The following CDHR2 variants were observed in gnomAD, a reference collection of about 807,000 sequenced individuals.
CDHR2 encodes the protein cadherin-related family member 2.
In CDHR2, 104 loss-of-function variants were observed where a neutral mutation model predicts 138.6. The observed-to-expected ratio is 0.75, with a 90% CI of 0.64 to 0.88. The LOEUF is 0.88. CDHR2 is among the 40% of genes least tolerant of loss of function. The pLI, the probability that CDHR2 is intolerant of heterozygous loss-of-function variation, is 0.00. For synonymous variants in CDHR2, 755 were observed against 742.8 expected (o/e 1.02, Z -0.27); for missense variants, 1,624 against 1,727.6 (o/e 0.94, Z 1.06).
intron 1 of CDHR2, among the ~76,000 whole-genome samples, chr5:176,559,589 C>A (rs1375960175): frequency 1.3e-5 from 2 of 152,166 alleles, no homozygotes; most frequent in Non-Finnish European, 2.9e-5. Context: ...GTTTCTCTTT[C>A]TGGGACTTCT....
intron 1 of CDHR2, among the ~76,000 whole-genome samples, chr5:176,552,583 T>C (rs2113252525): frequency 6.6e-6 from 1 of 152,250 alleles, no homozygotes; most frequent in East Asian, 1.9e-4. Context: ...GGCTTAGCAT[T>C]GGGGCAGGCC....
rs1031715065 is a variant in CDHR2, at chr5:176,543,307, G to C, written c.-16+538G>C. Among the ~76,000 whole-genome samples, 3 of 146,990 alleles carry C rather than the reference G, an allele frequency of 2.0e-5. No individual in the cohort carries two copies. The highest frequency in any genetic ancestry group is 4.5e-5 in the Non-Finnish European group (3 of 66,052). On this transcript the variant is annotated intron_variant, in intron 1 of 31. Coordinates refer to the CDHR2 transcript ENST00000510636. This position sits in a 1 kb window ranked among gnomAD's most constrained non-coding sequence, Gnocchi z 4.0. ...ACCCCCACCCGGCGGCCGGCGCGTC[G>C]CTCCCGCTGCAGCCCAGGCTCGCGG...
intron 16 of CDHR2, among the ~76,000 whole-genome samples, chr5:176,580,780 G>A (rs1458292645): frequency 6.6e-6 from 1 of 152,166 alleles, no homozygotes; most frequent in Non-Finnish European, 1.5e-5. Flanking sequence ...AGGAGGCTGA[G>A]GCAGGAGAAT....
chr5:176,588,561 G>C (rs1561880918), intron 21 of CDHR2, among the ~76,000 whole-genome samples: 1 of 149,800 alleles, frequency 6.7e-6, no homozygotes, highest in East Asian at 2.0e-4. Context: ...GTGTGAGTGG[G>C]ACAGTGTGTG....
chr5:176,572,944 G>T (rs753620569), intron 6 of CDHR2, among the ~76,000 whole-genome samples: 11 of 152,228 alleles, frequency 7.2e-5, no homozygotes, highest in Non-Finnish European at 1.6e-4. Flanking sequence ...TTCAGATGGC[G>T]GTGAGCCCCA....
At position 176,576,202 on chromosome 5, in the gene CDHR2, G is replaced by C. The variant is rs201845459; in HGVS notation, c.1194+17G>C. On this transcript the variant is annotated intron_variant, in intron 12 of 31. Transcript: ENST00000261944. This position sits in a 1 kb window ranked among gnomAD's most constrained non-coding sequence, Gnocchi z 4.5. ...CCGGACAAGGCAGGCGTGGTGGCGTGGGTGTGGGCGGGGGTGGCTGGGGGA... is the reference window on the plus strand; with the variant it reads ...CCGGACAAGGCAGGCGTGGTGGCGTCGGTGTGGGCGGGGGTGGCTGGGGGA... 79 of 1,589,564 alleles carry C rather than the reference G, an allele frequency of 5.0e-5. No individual in the cohort carries two copies. The highest frequency in any genetic ancestry group is 2.7e-4 in the Admixed American group (16 of 59,698).
intron 6 of CDHR2, among the ~76,000 whole-genome samples, chr5:176,573,859 C>T (rs1175343300): frequency 6.6e-6 from 1 of 152,052 alleles, no homozygotes; most frequent in Admixed American, 6.6e-5. Context: ...CAATCAGAAG[C>T]CAGCTTAGGT....
chr5:176,550,426 G>A (rs1757678533), intron 1 of CDHR2, among the ~76,000 whole-genome samples: 1 of 152,194 alleles, frequency 6.6e-6, no homozygotes. Context: ...CGGGCACCCA[G>A]GCTCGGCTGG....
intron 16 of CDHR2, 87 bp downstream of exon 16, chr5:176,578,695 G>T: frequency 6.4e-7 from 1 of 1,561,680 alleles, no homozygotes; most frequent in Non-Finnish European, 8.7e-7. Flanking sequence ...GTAAAGTCGG[G>T]GCTCCGCTGT....
At chr5:176,578,227 G>C in intron 15 of CDHR2, 132 bp downstream of exon 15, 1 of 1,221,372 alleles carries the variant, frequency 8.2e-7, no homozygotes, top group East Asian at 2.5e-5. Context: ...AGATAAACAA[G>C]GAATGACTTT....
At chr5:176,571,158 T>C in intron 5 of CDHR2, 55 bp from the exon 6 acceptor site, 3 of 1,238,780 alleles carry the variant, frequency 2.4e-6, no homozygotes, top group Middle Eastern at 1.9e-4. Context: ...ACTTGCAACT[T>C]TTCTGGTGTT....
At chr5:176,550,214 C>T (rs1287706644) in intron 1 of CDHR2, among the ~76,000 whole-genome samples, 1 of 152,256 alleles carries the variant, frequency 6.6e-6, no homozygotes, top group Non-Finnish European at 1.5e-5. Flanking sequence ...TTTATCCTCA[C>T]TCTGCTTCTC....
chr5:176,557,280 C>A (rs150703035), intron 1 of CDHR2, among the ~76,000 whole-genome samples: 2,365 of 151,680 alleles, frequency 0.016, 56 homozygotes, highest in African/African-American at 0.054. Flanking sequence ...CTCATGGCTC[C>A]CTGCAGCCTC....
Position 176,592,740 on chromosome 5 carries a change from A to G in CDHR2, c.3752A>G (p.Asp1251Gly). 1 of 1,613,870 alleles carries G rather than the reference A, an allele frequency of 6.2e-7. No homozygotes were observed. Among genetic ancestry groups the G allele is most frequent in the East Asian group, 2.2e-5 (1 of 44,888 alleles). The stretch of plus-strand genomic sequence containing the variant: ...TCTTACAGCGTCAACTCCCTGGACG[A>G]CAACTCTGTGGATGTGGACAAGAAC... ...LDSVSVNSLD[D>G]NSVDVDKNSQ... Residue 1251 changes from aspartate (D) to glycine (G), a missense_variant, in exon 31 of 32, where the codon GAC becomes GGC. By Grantham distance (94) the Asp-to-Gly change is moderately conservative (BLOSUM62 -1). Around this residue, in one of 3 missense-constraint regions of CDHR2, gnomAD observed 556 missense variants for 565.7 expected, o/e 0.98. Coordinates refer to ENST00000261944, the MANE Select transcript of CDHR2 (RefSeq NM_017675.6).
At chr5:176,551,005 C>T (rs1026198325) in intron 1 of CDHR2, among the ~76,000 whole-genome samples, 1 of 152,136 alleles carries the variant, frequency 6.6e-6, no homozygotes, top group African/African-American at 2.4e-5. Context: ...CCTTTTTGGT[C>T]CTTCCCTAAG....
chr5:176,556,733 C>A (rs1483394319), intron 1 of CDHR2: 1 of 152,260 alleles, frequency 6.6e-6, no homozygotes, highest in Non-Finnish European at 1.5e-5. Flanking sequence ...GTGTTTACAA[C>A]TAATTTATCA....
Position 176,553,058 on chromosome 5 carries a change from A to G in CDHR2, c.-16+3644A>G, listed in dbSNP as rs1484129540. ...CTGCCCTGTGAGATGGGGAGGGGGG[A>G]GTTGGGAGACACTTCCATGAGGGAG... On this transcript the variant is annotated intron_variant, in intron 1 of 31. Transcript: ENST00000261944. This position sits in a 1 kb window ranked among gnomAD's most constrained non-coding sequence, Gnocchi z 4.3. Among the ~76,000 whole-genome samples, 1 of 150,612 alleles carries G rather than the reference A, an allele frequency of 6.6e-6. No homozygotes were observed. Among genetic ancestry groups the G allele is most frequent in the African/African-American group, 2.5e-5 (1 of 40,796 alleles).
At position 176,553,175 on chromosome 5, in the gene CDHR2, C is replaced by T. The variant is rs1217159776; in HGVS notation, c.-16+3761C>T. On this transcript the variant is annotated intron_variant, in intron 1 of 31. Transcript: ENST00000261944. This position sits in a 1 kb window ranked among gnomAD's most constrained non-coding sequence, Gnocchi z 4.3. Reference sequence around the variant, plus strand: ...TTCGGGCTGTTCTCTCTCAACATCACATGTTTGTGGGCTCAGCATGACCTG... The same window carrying T: ...TTCGGGCTGTTCTCTCTCAACATCATATGTTTGTGGGCTCAGCATGACCTG... 6.6e-6 allele frequency among the ~76,000 whole-genome samples: 1 copy of T among 152,120 alleles called. No homozygotes were observed. The highest frequency in any genetic ancestry group is 2.4e-5 in the African/African-American group (1 of 41,392).
intron 1 of CDHR2, among the ~76,000 whole-genome samples, chr5:176,552,637 C>G (rs957997995): frequency 2.0e-5 from 3 of 152,190 alleles, no homozygotes; most frequent in African/African-American, 7.2e-5. Flanking sequence ...GTGCTTTTTC[C>G]CCAAGTGACT....
Sources: allele counts gnomAD v4.1 joint callset (sites outside exome capture counted in the v4.1 genomes callset), GRCh38; gene constraint gnomAD v4.1.1; regional missense constraint gnomAD v4.1.1; non-coding constraint Gnocchi (gnomAD v3.1); transcripts MANE v1.5; gene names NCBI Gene and HGNC (gene_info 2026-07-23, HGNC 2026-07-21).